Variants in TLL1 observed in about 807,000 individuals in gnomAD.
TLL1 encodes tolloid like 1, also known as tolloid-like protein 1.
A neutral mutation model predicts 128.2 loss-of-function variants in TLL1; 49 were observed. The ratio of observed to expected loss-of-function variants is 0.38; its 90% confidence interval spans 0.30 to 0.48. TLL1 has a LOEUF of 0.48. Among genes scored for constraint, TLL1 ranks in the 20% least tolerant of loss-of-function variants. The pLI is 0.96. For synonymous variants in TLL1, 454 were observed against 418.8 expected, an observed-to-expected ratio of 1.08 and a Z score of -1.03; for missense variants, 1,123 against 1,242.0, an observed-to-expected ratio of 0.90 and a Z score of 1.44.
intron 1 of TLL1, among the ~76,000 whole-genome samples, chr4:165,959,681 C>T (rs1734998008): frequency 6.6e-6 from 1 of 152,056 alleles, no homozygotes; most frequent in African/African-American, 2.4e-5. Flanking sequence ...AAACAAATAA[C>T]AGGAGTATCT....
chr4:165,886,161 T>C (rs887830772), intron 1 of TLL1, among the ~76,000 whole-genome samples: 3 of 152,128 alleles, frequency 2.0e-5, no homozygotes, highest in African/African-American at 7.2e-5. Context: ...ATCTAGGTAG[T>C]GTAATTGAAT....
intron 1 of TLL1, among the ~76,000 whole-genome samples, chr4:165,882,745 A>T (rs1731015870): frequency 6.6e-6 from 1 of 151,920 alleles, no homozygotes; most frequent in Non-Finnish European, 1.5e-5. Flanking sequence ...TAGCCTCCCG[A>T]GTAGCTGGGA....
intron 1 of TLL1, among the ~76,000 whole-genome samples, chr4:165,969,645 G>A (rs1735545139): frequency 6.6e-6 from 1 of 151,878 alleles, no homozygotes; most frequent in South Asian, 2.1e-4. Context: ...GGGGTTTTTT[G>A]GTTATTATTT....
rs138731467 is a variant in TLL1 at position 166,038,145 on chromosome 4, T to C, written c.1159-1194T>C. ...GAAGCATATACTTTCCAGCACAGAA[T>C]TGGTAATACTTCTCTAGAATATGGA... On this transcript the variant is annotated intron_variant, in intron 9 of 20. Coordinates refer to ENST00000061240, the MANE Select transcript of TLL1 (RefSeq NM_012464.5). Among the ~76,000 whole-genome samples the C allele has an allele frequency of 4.1e-3, 622 of 152,302 alleles. 9 individuals are homozygous for C. Among genetic ancestry groups the C allele is most frequent in the African/African-American group, 0.014 (598 of 41,564 alleles).
chr4:166,088,988 T>C (rs1741643607), intron 18 of TLL1, among the ~76,000 whole-genome samples: 1 of 152,160 alleles, frequency 6.6e-6, no homozygotes, highest in African/African-American at 2.4e-5. Context: ...CTTTAGCCAT[T>C]ACTTATAGCA....
In TLL1 at chr4:165,950,709, T is replaced by C. The variant is rs114727868; in HGVS notation, c.170-38672T>C. ...AATATCAAAGGAAGGGAGGAAATAT[T>C]TTGAACTGAAAGAAAATATATATGC... On this transcript the variant is annotated intron_variant, in intron 1 of 20. Coordinates refer to ENST00000061240, the MANE Select transcript of TLL1 (RefSeq NM_012464.5). 2.0e-3 allele frequency among the ~76,000 whole-genome samples: 298 copies of C among 152,206 alleles called. 3 individuals carry two copies. Among genetic ancestry groups the C allele is most frequent in the Non-Finnish European group, 3.4e-3 (229 of 67,986 alleles).
chr4:165,950,979 G>T (rs1485138171), intron 1 of TLL1, among the ~76,000 whole-genome samples: 1 of 151,900 alleles, frequency 6.6e-6, no homozygotes, highest in Non-Finnish European at 1.5e-5. Flanking sequence ...TGATTCTTTG[G>T]GAACAAAATC....
intron 1 of TLL1, among the ~76,000 whole-genome samples, chr4:165,903,507 G>A (rs1174035020): frequency 6.7e-6 from 1 of 149,756 alleles, no homozygotes; most frequent in Non-Finnish European, 1.5e-5. Flanking sequence ...GCGCCTCCTG[G>A]GTTCAAGCGA....
chr4:166,013,623 A>G (rs1302048368), intron 7 of TLL1, among the ~76,000 whole-genome samples: 3 of 151,832 alleles, frequency 2.0e-5, no homozygotes, highest in Non-Finnish European at 4.4e-5. Flanking sequence ...CTCCCAGTTC[A>G]TTTAACTTTT....
chr4:166,057,321 C>G lies in TLL1; in HGVS notation c.1846+12C>G, dbSNP rs574697513. 17 of 1,613,596 alleles carry G rather than the reference C, an allele frequency of 1.1e-5. No individual in the cohort carries two copies. In the East Asian group the frequency reaches 3.4e-4, roughly 32 times the overall value. On this transcript the variant is annotated intron_variant, in intron 14 of 20. Coordinates refer to ENST00000061240, the MANE Select transcript of TLL1 (RefSeq NM_012464.5). ...AAGGAGCTGTGAAGGTATGACTGCA[C>G]TCCTTCCTGGACCCCCACCCCCCAC...
intron 1 of TLL1, among the ~76,000 whole-genome samples, chr4:165,969,933 A>G (rs966806503): frequency 6.6e-6 from 1 of 152,122 alleles, no homozygotes; most frequent in South Asian, 2.1e-4. Flanking sequence ...GTCTTAATCT[A>G]TGTAACGTTG....
chr4:165,961,466 C>T (rs1480711795), intron 1 of TLL1, among the ~76,000 whole-genome samples: 1 of 152,120 alleles, frequency 6.6e-6, no homozygotes, highest in Non-Finnish European at 1.5e-5. Flanking sequence ...TTAGAAAAAA[C>T]TATTCTAAAA....
chr4:166,092,051 T>TTAC (rs200362097), intron 19 of TLL1, among the ~76,000 whole-genome samples: 138,312 of 151,794 alleles, frequency 0.91, 63,605 homozygotes, highest in East Asian at 1. Context: ...AGACAGTATA[T>TTAC]CAGTTAAATG....
chr4:166,065,631 C>G lies in TLL1; in HGVS notation c.2008-52C>G, dbSNP rs1173330959. On this transcript the variant is annotated intron_variant, in intron 15 of 20. Transcript: ENST00000061240. ...AGATATGTTTTTTTAAGATAAATGTCAATCATCTTGTACTCACAAATCTGG... is the reference window on the plus strand; with the variant it reads ...AGATATGTTTTTTTAAGATAAATGTGAATCATCTTGTACTCACAAATCTGG... 5 of 1,563,224 alleles carry G rather than the reference C, an allele frequency of 3.2e-6. No homozygotes were observed. In the African/African-American group the frequency reaches 5.4e-5, roughly 17 times the overall value.
chr4:166,053,969 A>C (rs1739878997), intron 12 of TLL1, among the ~76,000 whole-genome samples: 1 of 152,186 alleles, frequency 6.6e-6, no homozygotes, highest in Non-Finnish European at 1.5e-5. Flanking sequence ...AAAACAATTT[A>C]TAAATTTTGT....
At chr4:166,066,119 TGTA>T (rs1740563420) in intron 16 of TLL1, among the ~76,000 whole-genome samples, 3 of 151,740 alleles carry the variant, frequency 2.0e-5, no homozygotes, top group South Asian at 2.1e-4. Context: ...GTTCGGAAAA[TGTA>T]GTCTCATTTT....
At chr4:165,929,240 A>T (rs1026074750) in intron 1 of TLL1, among the ~76,000 whole-genome samples, 24 of 152,188 alleles carry the variant, frequency 1.6e-4, no homozygotes, top group African/African-American at 5.8e-4. Flanking sequence ...AGAATGTCAC[A>T]AAAGGAAACT....
intron 5 of TLL1, among the ~76,000 whole-genome samples, chr4:166,000,629 G>C (rs1314400560): frequency 6.6e-6 from 1 of 152,104 alleles, no homozygotes; most frequent in Non-Finnish European, 1.5e-5. Context: ...TAATTTAGTT[G>C]CTGTATAATC....
At position 165,889,465 on chromosome 4, in the gene TLL1, G is replaced by C. The variant is rs146441281; in HGVS notation, c.169+15392G>C. On this transcript the variant is annotated intron_variant, in intron 1 of 20. Transcript: ENST00000061240. ...GTAAAAATTTTTGTACCTTTCACTTGAAAAGATTCAATTCAGATTTCTTGG... is the reference window on the plus strand; with the variant it reads ...GTAAAAATTTTTGTACCTTTCACTTCAAAAGATTCAATTCAGATTTCTTGG... Among the ~76,000 whole-genome samples the C allele has an allele frequency of 3.0e-3, 460 of 152,266 alleles. 4 individuals are homozygous for C. Among genetic ancestry groups the C allele is most frequent in the African/African-American group, 8.3e-3 (346 of 41,572 alleles).
Sources: allele counts gnomAD v4.1 joint callset (sites outside exome capture counted in the v4.1 genomes callset), GRCh38; gene constraint gnomAD v4.1.1; transcripts MANE v1.5; gene names NCBI Gene and HGNC (gene_info 2026-07-23, HGNC 2026-07-21).